CEACAM4: variants seen among roughly 807,000 people sequenced by gnomAD.
CEACAM4 encodes CEA cell adhesion molecule 4, also known as cell adhesion molecule CEACAM4.
Under a neutral mutation model 28.7 loss-of-function variants are expected in CEACAM4, and 30 were observed. The observed-to-expected ratio is 1.05, with a 90% CI of 0.78 to 1.42. The LOEUF (loss-of-function observed/expected upper bound fraction) is 1.42. CEACAM4 is among the 40% of genes most tolerant of loss of function. The probability of loss-of-function intolerance (pLI) is 0.00; values close to 1 mark genes in which losing one functional copy is unlikely to be tolerated. For missense variants in CEACAM4, 330 were observed against 308.2 expected (o/e 1.07, Z -0.53); for synonymous variants, 143 against 126.5 (o/e 1.13, Z -0.87).
At chr19:41,622,849 TATATATAGATAGATAG>T (rs1304689188) in intron 2 of CEACAM4, among the ~76,000 whole-genome samples, 56 of 111,254 alleles carry the variant, frequency 5.0e-4, no homozygotes, top group Non-Finnish European at 5.8e-4. Flanking sequence ...TATATATACA[TATATATAGATAGATAG>T]ATAGATAGAT....
At chr19:41,614,280 A>T (rs576556951), downstream of CEACAM4, among the ~76,000 whole-genome samples, 4 of 152,302 alleles carry the variant, frequency 2.6e-5, no homozygotes, top group African/African-American at 9.6e-5. Context: ...ACATGTATTT[A>T]TGAAGTACCC....
chr19:41,620,921 C>G (rs763942772), intron 3 of CEACAM4, among the ~76,000 whole-genome samples: 28 of 152,000 alleles, frequency 1.8e-4, no homozygotes, highest in Non-Finnish European at 2.2e-4. Context: ...AGACCACCTG[C>G]GTTTGCCTGA....
At chr19:41,616,616 T>A (rs1555798901), downstream of CEACAM4, among the ~76,000 whole-genome samples, 1 of 152,012 alleles carries the variant, frequency 6.6e-6, no homozygotes. Flanking sequence ...AACAAGCAGA[T>A]GGCAAAGGCC....
chr19:41,618,635 C>G (rs2071060750), downstream of CEACAM4, among the ~76,000 whole-genome samples: 1 of 152,174 alleles, frequency 6.6e-6, no homozygotes, highest in Non-Finnish European at 1.5e-5. Flanking sequence ...GTAGGGGCCA[C>G]AGCCGCAACC....
downstream of CEACAM4, among the ~76,000 whole-genome samples, chr19:41,616,494 TAGATA>T (rs1260128289): frequency 4.8e-4 from 4 of 8,420 alleles, no homozygotes; most frequent in East Asian, 8.4e-3. Flanking sequence ...AGATGATAGA[TAGATA>T]GATAGATAGA....
chr19:41,619,663 C>A lies in CEACAM4; in HGVS notation c.669+7G>T. 1 of 1,594,580 alleles carries A rather than the reference C, an allele frequency of 6.3e-7. No individual in the cohort carries two copies. Among genetic ancestry groups the A allele is most frequent in the East Asian group, 2.3e-5 (1 of 44,080 alleles). ...GCGGGACCAGAACATCCATGGCCCACACTCACCTCATAGATGGGAGTGGCT... is the reference window on the plus strand; with the variant it reads ...GCGGGACCAGAACATCCATGGCCCAAACTCACCTCATAGATGGGAGTGGCT... On this transcript the variant is annotated splice_region_variant and intron_variant, in intron 6 of 6. Coordinates refer to ENST00000221954, the MANE Select transcript of CEACAM4 (RefSeq NM_001817.4).
chr19:41,626,036 G>T, intron 1 of CEACAM4, 76 bp from the exon 2 acceptor site: 1 of 1,377,320 alleles, frequency 7.3e-7, no homozygotes, highest in Non-Finnish European at 9.9e-7. Context: ...TGGGTCCTCA[G>T]CAGGTCTCCT....
At chr19:41,616,863 G>C (rs1228293025), downstream of CEACAM4, among the ~76,000 whole-genome samples, 1 of 152,182 alleles carries the variant, frequency 6.6e-6, no homozygotes, top group Non-Finnish European at 1.5e-5. Flanking sequence ...GTCAGGGGCA[G>C]GGAGACTCAC....
intron 6 of CEACAM4, 131 bp downstream of exon 6, chr19:41,619,539 C>T (rs781886546): frequency 3.7e-5 from 57 of 1,539,790 alleles, no homozygotes; most frequent in Non-Finnish European, 4.9e-5. Context: ...GCCCCTCCCT[C>T]CTCTGCTCAC....
At chr19:41,620,410 C>T (rs2071201134) in intron 4 of CEACAM4, among the ~76,000 whole-genome samples, 165 bp downstream of exon 4, 2 of 152,124 alleles carry the variant, frequency 1.3e-5, no homozygotes, top group South Asian at 4.1e-4. Flanking sequence ...CCAGAGCCCA[C>T]AGATCAGTCT....
Position 41,627,004 on chromosome 19 carries a change from G to T in CEACAM4, c.-41C>A. 3 of 1,551,058 alleles carry T rather than the reference G, an allele frequency of 1.9e-6. No individual in the cohort carries two copies. The highest frequency in any genetic ancestry group is 2.6e-6 in the Non-Finnish European group (3 of 1,142,672). Reference sequence around the variant, plus strand: ...CTTGTCCTCTGTGGAGAGGAGCTGGGCTCCAGGAACGCTCTTGTCAGAGCT... The same window carrying T: ...CTTGTCCTCTGTGGAGAGGAGCTGGTCTCCAGGAACGCTCTTGTCAGAGCT... On this transcript the variant is annotated 5_prime_UTR_variant, in exon 1 of 7. Transcript: ENST00000221954.
In CEACAM4 at chr19:41,620,014, G is replaced by A. The variant is rs77058545; in HGVS notation, c.627+197C>T. Among the ~76,000 whole-genome samples the A allele has an allele frequency of 6.5e-4, 99 of 152,274 alleles. No homozygotes were observed. The East Asian group carries it at 0.014, about 21-fold the overall frequency. ...GTTCTCCTCAGGTGTAGAGGGTCCC[G>A]GGGAGGGGTCAGCACATGGCGTGGG... On this transcript the variant is annotated intron_variant, in intron 5 of 6. Coordinates refer to ENST00000221954, the MANE Select transcript of CEACAM4 (RefSeq NM_001817.4).
chr19:41,619,442 C>A, intron 6 of CEACAM4, 47 bp from the exon 7 acceptor site: 2 of 1,605,436 alleles, frequency 1.2e-6, no homozygotes, highest in Non-Finnish European at 1.7e-6. Flanking sequence ...CTTCTCAGAA[C>A]AGTGTCTGGC....
downstream of CEACAM4, among the ~76,000 whole-genome samples, chr19:41,616,295 G>C (rs1049282928): frequency 6.6e-6 from 1 of 152,176 alleles, no homozygotes; most frequent in South Asian, 2.1e-4. Flanking sequence ...GCCTCCAAAA[G>C]TGCTGGGACT....
chr19:41,620,860 A>T (rs563948808), intron 3 of CEACAM4, among the ~76,000 whole-genome samples: 1 of 151,798 alleles, frequency 6.6e-6, no homozygotes, highest in East Asian at 1.9e-4. Flanking sequence ...GGGTGAGGAG[A>T]ACATTGACCC....
At chr19:41,626,091 T>C (rs1555804080) in intron 1 of CEACAM4, 131 bp from the exon 2 acceptor site, 1 of 553,404 alleles carries the variant, frequency 1.8e-6, no homozygotes, top group Admixed American at 3.2e-5. Flanking sequence ...TGTGTGTGTG[T>C]GTGTGTGTGT....
At chr19:41,615,229 G>T (rs1402780137), downstream of CEACAM4, among the ~76,000 whole-genome samples, 2 of 152,092 alleles carry the variant, frequency 1.3e-5, no homozygotes, top group South Asian at 2.1e-4. Flanking sequence ...CACCTGGTTC[G>T]GTGGGATTTC....
downstream of CEACAM4, among the ~76,000 whole-genome samples, chr19:41,618,181 C>A (rs746676773): frequency 6.6e-6 from 1 of 152,102 alleles, no homozygotes; most frequent in African/African-American, 2.4e-5. Flanking sequence ...GAGCTGCAGG[C>A]GAGATAGGGC....
chr19:41,619,741 G>A (rs782108306), intron 5 of CEACAM4, 30 bp from the exon 6 acceptor site: 1 of 1,532,282 alleles, frequency 6.5e-7, no homozygotes, highest in African/African-American at 1.4e-5. Flanking sequence ...GATGTCAGGG[G>A]ACAGGGAGGG....
Sources: gnomAD v4.1 joint callset for allele counts (sites outside exome capture counted in the v4.1 genomes callset) on GRCh38, gnomAD v4.1.1 for gene constraint, MANE v1.5 for transcripts, NCBI Gene and HGNC (gene_info 2026-07-23, HGNC 2026-07-21) for gene names.